ALG5: variants seen among roughly 807,000 people sequenced by gnomAD.
ALG5 encodes dolichyl-phosphate beta-glucosyltransferase.
Under a neutral mutation model 51.8 loss-of-function variants are expected in ALG5, and 26 were observed. That is an observed-to-expected ratio of 0.50 (90% CI 0.37 to 0.70). The LOEUF (loss-of-function observed/expected upper bound fraction) is 0.70. Ranked by LOEUF, ALG5 falls within the 30% of genes least tolerant of loss-of-function variation. ALG5 has a pLI of 0.00. For missense variants in ALG5, 311 were observed against 399.3 expected, an observed-to-expected ratio of 0.78 and a Z score of 1.88; for synonymous variants, 141 against 136.1, an observed-to-expected ratio of 1.04 and a Z score of -0.25.
Position 36,961,877 on chromosome 13 carries a change from G to T in ALG5, c.773+3698C>A, listed in dbSNP as rs180777730. ...GCTCACTGCAACCTCTGCCTCCTGG[G>T]TTCAAGCAATTCTCCTGCCTCGGCC... On this transcript the variant is annotated intron_variant, in intron 8 of 9. Transcript: ENST00000239891. 1.5e-3 allele frequency among the ~76,000 whole-genome samples: 234 copies of T among 152,188 alleles called. 1 individual carries two copies. Among genetic ancestry groups the T allele is most frequent in the African/African-American group, 5.3e-3 (219 of 41,508 alleles).
chr13:36,976,861 T>G (rs2058954383), intron 6 of ALG5, among the ~76,000 whole-genome samples: 1 of 152,214 alleles, frequency 6.6e-6, no homozygotes, highest in South Asian at 2.1e-4. Context: ...AATGATTTTC[T>G]TAGAGAGGAA....
chr13:36,997,198 C>T lies in ALG5; in HGVS notation c.67-1602G>A, dbSNP rs933778822. Among the ~76,000 whole-genome samples, 12 of 152,136 alleles carry T rather than the reference C, an allele frequency of 7.9e-5. No individual in the cohort carries two copies. In the South Asian group the frequency reaches 1.5e-3, roughly 18 times the overall value. ...ATTAAAGACAAGGAAAAAGGCCGGG[C>T]GCGGTGGCTCATGTCTGTAATCCCA... On this transcript the variant is annotated intron_variant, in intron 1 of 9. Coordinates refer to ENST00000239891, the MANE Select transcript of ALG5 (RefSeq NM_013338.5).
At chr13:36,963,534 G>A (rs2058877911) in intron 8 of ALG5, among the ~76,000 whole-genome samples, 1 of 152,096 alleles carries the variant, frequency 6.6e-6, no homozygotes, top group Non-Finnish European at 1.5e-5. Context: ...TGCAGACAGA[G>A]GGCTTTACTT....
At chr13:36,972,991 CAA>C (rs375217175) in intron 6 of ALG5, among the ~76,000 whole-genome samples, 3 of 108,844 alleles carry the variant, frequency 2.8e-5, no homozygotes, top group Admixed American at 1.1e-4. Context: ...GACTCCGTCT[CAA>C]AAAAAAAAAA....
intron 6 of ALG5, among the ~76,000 whole-genome samples, chr13:36,983,736 T>C (rs1429913812): frequency 1.3e-5 from 2 of 152,034 alleles, no homozygotes; most frequent in East Asian, 3.9e-4. Flanking sequence ...CTCTTAAGAA[T>C]TATATTAGTT....
In ALG5 at chr13:36,958,041, C is replaced by T. The variant is rs563396639; in HGVS notation, c.774-5442G>A. 2.0e-4 allele frequency among the ~76,000 whole-genome samples: 30 copies of T among 152,252 alleles called. No individual in the cohort carries two copies. In the South Asian group the frequency reaches 2.7e-3, roughly 14 times the overall value. Reference sequence around the variant, plus strand: ...AGGAAACCGAAAATCCAGGAGACAACGCTAGCTATTCCTGTGAACCTCTAG... The same window carrying T: ...AGGAAACCGAAAATCCAGGAGACAATGCTAGCTATTCCTGTGAACCTCTAG... On this transcript the variant is annotated intron_variant, in intron 8 of 9. Coordinates refer to ENST00000239891, the MANE Select transcript of ALG5 (RefSeq NM_013338.5).
At chr13:36,956,937 C>T (rs1345569560) in intron 8 of ALG5, among the ~76,000 whole-genome samples, 1 of 152,044 alleles carries the variant, frequency 6.6e-6, no homozygotes, top group South Asian at 2.1e-4. Flanking sequence ...CTCCAGGAAA[C>T]GAAGCCCCAG....
At chr13:36,984,097 G>C (rs897684579) in intron 6 of ALG5, among the ~76,000 whole-genome samples, 1 of 150,104 alleles carries the variant, frequency 6.7e-6, no homozygotes, top group East Asian at 2.0e-4. Flanking sequence ...CCTTAGTTCT[G>C]TAATTTTTTT....
intron 1 of ALG5, among the ~76,000 whole-genome samples, chr13:36,996,462 C>A (rs2059050984): frequency 6.6e-6 from 1 of 152,114 alleles, no homozygotes; most frequent in South Asian, 2.1e-4. Context: ...AGATTATAAT[C>A]AAAGATTATC....
At chr13:36,961,987 C>T (rs2058869344) in intron 8 of ALG5, among the ~76,000 whole-genome samples, 1 of 152,144 alleles carries the variant, frequency 6.6e-6, no homozygotes, top group Non-Finnish European at 1.5e-5. Flanking sequence ...GAGGTTTCAC[C>T]ATTTTGGCCA....
At chr13:36,973,873 T>C (rs1317114921) in intron 6 of ALG5, among the ~76,000 whole-genome samples, 1 of 152,180 alleles carries the variant, frequency 6.6e-6, no homozygotes, top group African/African-American at 2.4e-5. Flanking sequence ...GAATAAAACC[T>C]ATAATTTTTT....
chr13:36,992,212 A>G (rs1411855735), intron 4 of ALG5, among the ~76,000 whole-genome samples: 2 of 150,268 alleles, frequency 1.3e-5, no homozygotes, highest in African/African-American at 5.0e-5. Flanking sequence ...TTTGATGCAT[A>G]TTTCCAGTAT....
chr13:36,976,379 T>C (rs2058950562), intron 6 of ALG5, among the ~76,000 whole-genome samples: 1 of 140,838 alleles, frequency 7.1e-6, no homozygotes, highest in Non-Finnish European at 1.5e-5. Context: ...TGAGACAAGA[T>C]TGCGCCATTG....
chr13:36,965,395 T>C (rs1257708872), intron 8 of ALG5, among the ~76,000 whole-genome samples, 180 bp downstream of exon 8: 1 of 152,190 alleles, frequency 6.6e-6, no homozygotes, highest in Admixed American at 6.5e-5. Flanking sequence ...GTTGGGTTTG[T>C]GTATTTTCAA....
intron 9 of ALG5, 86 bp downstream of exon 9, chr13:36,952,428 G>T: frequency 2.2e-6 from 2 of 915,968 alleles, no homozygotes; most frequent in Non-Finnish European, 1.7e-6. Flanking sequence ...GATGAGGGGA[G>T]CAAGGAGAAC....
intron 8 of ALG5, among the ~76,000 whole-genome samples, chr13:36,960,214 G>A (rs1455216290): frequency 1.3e-5 from 2 of 152,152 alleles, no homozygotes. Context: ...TACGTGTGGA[G>A]GGTATACAGA....
intron 6 of ALG5, among the ~76,000 whole-genome samples, chr13:36,982,508 T>G (rs910660470): frequency 5.9e-5 from 9 of 152,374 alleles, no homozygotes; most frequent in Admixed American, 5.9e-4. Context: ...TATGTCTACT[T>G]TCATGCTACA....
intron 8 of ALG5, among the ~76,000 whole-genome samples, chr13:36,958,527 C>A (rs2058851039): frequency 6.6e-6 from 1 of 152,128 alleles, no homozygotes; most frequent in Non-Finnish European, 1.5e-5. Flanking sequence ...ATGTTGATGG[C>A]ATCGAAGGCA....
chr13:36,967,953 G>T (rs2058902874), intron 7 of ALG5: 1 of 399,214 alleles, frequency 2.5e-6, no homozygotes, highest in African/African-American at 2.1e-5. Flanking sequence ...ATTCATGACT[G>T]CTCTGGCTTG....
Sources: gnomAD v4.1 joint callset for allele counts (sites outside exome capture counted in the v4.1 genomes callset) on GRCh38, gnomAD v4.1.1 for gene constraint, MANE v1.5 for transcripts, NCBI Gene and HGNC (gene_info 2026-07-23, HGNC 2026-07-21) for gene names.